The following PTPRZ1 variants were observed in gnomAD, a reference collection of about 807,000 sequenced individuals.
The protein encoded by PTPRZ1 is receptor-type tyrosine-protein phosphatase zeta.
PTPRZ1 carries 82 observed loss-of-function variants against 214.1 expected under a neutral mutation model. The observed-to-expected ratio is 0.38, with a 90% CI of 0.32 to 0.46. The LOEUF is 0.46. Ranked by LOEUF, PTPRZ1 falls within the 20% of genes least tolerant of loss-of-function variation. The pLI is 1.00. For missense variants in PTPRZ1, 2,603 were observed against 2,748.7 expected, an observed-to-expected ratio of 0.95 and a Z score of 1.19; for synonymous variants, 945 against 987.9, an observed-to-expected ratio of 0.96 and a Z score of 0.81.
chr7:121,973,561 G>A (rs1196477), intron 4 of PTPRZ1, among the ~76,000 whole-genome samples: 73,663 of 151,804 alleles, frequency 0.49, 18,278 homozygotes, highest in African/African-American at 0.57. Context: ...TTTTTCTTCC[G>A]TGAAATTGAC....
chr7:121,978,781 CT>C (rs1797517430), intron 6 of PTPRZ1, among the ~76,000 whole-genome samples: 1 of 152,166 alleles, frequency 6.6e-6, no homozygotes, highest in Non-Finnish European at 1.5e-5. Flanking sequence ...CATCTGGATA[CT>C]TAGTATTTCA....
At chr7:121,885,357 G>A (rs1387421205) in intron 1 of PTPRZ1, among the ~76,000 whole-genome samples, 2 of 152,102 alleles carry the variant, frequency 1.3e-5, no homozygotes, top group Admixed American at 1.3e-4. Context: ...ATGATTTTTG[G>A]CCACTCTGGA....
At chr7:121,972,498 T>C in intron 3 of PTPRZ1, 43 bp from the exon 4 acceptor site, 1 of 1,505,556 alleles carries the variant, frequency 6.6e-7, no homozygotes, top group Non-Finnish European at 8.9e-7. Flanking sequence ...ATTTAAAATT[T>C]TGATTTTCAG....
intron 2 of PTPRZ1, among the ~76,000 whole-genome samples, chr7:121,959,165 T>A (rs1796801547): frequency 6.6e-6 from 1 of 152,158 alleles, no homozygotes; most frequent in Non-Finnish European, 1.5e-5. Flanking sequence ...CTAAAAGGAA[T>A]TTGTGCTAGA....
chr7:121,974,206 A>AT (rs1402442889), intron 4 of PTPRZ1, among the ~76,000 whole-genome samples: 1 of 152,102 alleles, frequency 6.6e-6, no homozygotes, highest in African/African-American at 2.4e-5. Context: ...TATACTATGG[A>AT]TTTTTTCTTT....
At chr7:121,911,856 A>G (rs555750962) in intron 1 of PTPRZ1, among the ~76,000 whole-genome samples, 85 of 152,166 alleles carry the variant, frequency 5.6e-4, no homozygotes, top group African/African-American at 1.9e-3. Context: ...TCAATAAGCT[A>G]TTCAATATTA....
intron 1 of PTPRZ1, among the ~76,000 whole-genome samples, chr7:121,920,099 T>A (rs188126939): frequency 1.3e-5 from 2 of 152,314 alleles, no homozygotes; most frequent in Admixed American, 1.3e-4. Context: ...TTTATGAACT[T>A]GCTTGGTGTT....
chr7:122,054,457 G>A (rs1792288139), intron 26 of PTPRZ1, among the ~76,000 whole-genome samples: 1 of 152,008 alleles, frequency 6.6e-6, no homozygotes, highest in South Asian at 2.1e-4. Flanking sequence ...CCTAGTATAG[G>A]AAGGACTTTT....
chr7:121,950,903 A>G (rs1796525382), intron 2 of PTPRZ1, among the ~76,000 whole-genome samples: 1 of 152,240 alleles, frequency 6.6e-6, no homozygotes. Flanking sequence ...AACAGAACGT[A>G]TTTGTGGCCA....
intron 4 of PTPRZ1, among the ~76,000 whole-genome samples, chr7:121,973,406 A>G (rs745899375): frequency 6.6e-6 from 1 of 152,124 alleles, no homozygotes; most frequent in Non-Finnish European, 1.5e-5. Flanking sequence ...TATTTTTGCA[A>G]TTTTTTAATA....
At chr7:121,920,266 G>A (rs1373659096) in intron 1 of PTPRZ1, among the ~76,000 whole-genome samples, 2 of 152,038 alleles carry the variant, frequency 1.3e-5, no homozygotes, top group Non-Finnish European at 2.9e-5. Flanking sequence ...AAGTACGTGG[G>A]CATAAGATTT....
chr7:122,052,106 C>T (rs1056648095), intron 25 of PTPRZ1, among the ~76,000 whole-genome samples, 167 bp downstream of exon 25: 1 of 152,120 alleles, frequency 6.6e-6, no homozygotes, highest in African/African-American at 2.4e-5. Context: ...GTAATAATGG[C>T]ATGCTTTTAT....
At chr7:121,930,294 A>G (rs1422443909) in intron 2 of PTPRZ1, among the ~76,000 whole-genome samples, 1 of 152,182 alleles carries the variant, frequency 6.6e-6, no homozygotes, top group Non-Finnish European at 1.5e-5. Flanking sequence ...ACTACTTTTG[A>G]TATTTTAAAT....
intron 2 of PTPRZ1, among the ~76,000 whole-genome samples, chr7:121,951,852 C>T (rs1278709042): frequency 6.6e-6 from 1 of 152,200 alleles, no homozygotes; most frequent in African/African-American, 2.4e-5. Flanking sequence ...AAAAGAGAAA[C>T]TACTTAAATA....
intron 3 of PTPRZ1, among the ~76,000 whole-genome samples, chr7:121,970,679 T>C (rs1490271337): frequency 6.6e-6 from 1 of 152,224 alleles, no homozygotes; most frequent in East Asian, 1.9e-4. Context: ...TTTGTTTAAG[T>C]TCTTTCTAGA....
At chr7:122,028,725 A>T in intron 14 of PTPRZ1, 82 bp downstream of exon 14, 9 of 1,084,476 alleles carry the variant, frequency 8.3e-6, no homozygotes, top group Non-Finnish European at 1.3e-5. Context: ...TTTTATCGGG[A>T]CACTATGCAA....
intron 23 of PTPRZ1, 74 bp from the exon 24 acceptor site, chr7:122,051,353 GT>G (rs1792176950): frequency 5.3e-6 from 5 of 940,626 alleles, no homozygotes; most frequent in Non-Finnish European, 8.5e-6. Context: ...GTGTGTGTCT[GT>G]ATGTATGTGT....
intron 2 of PTPRZ1, among the ~76,000 whole-genome samples, chr7:121,947,492 A>G (rs965948570): frequency 6.6e-6 from 1 of 152,216 alleles, no homozygotes; most frequent in Non-Finnish European, 1.5e-5. Context: ...AGATTATACT[A>G]GTTTCAACTA....
rs1795674638 is a variant in PTPRZ1, at chr7:121,923,859, TGTA to T, written c.59-4296_59-4294del. ...AAATATATGTATTTTTATATATGCT[TGTA>T]TACATACCTGTTTGCATATTTGTAA... On this transcript the variant is annotated intron_variant, in intron 1 of 29. Coordinates refer to ENST00000393386, the MANE Select transcript of PTPRZ1 (RefSeq NM_002851.3). Among the ~76,000 whole-genome samples the T allele has an allele frequency of 2.6e-5, 4 of 152,146 alleles. No homozygotes were observed. The East Asian group carries it at 7.7e-4, about 29-fold the overall frequency.
Sources: allele counts gnomAD v4.1 joint callset (sites outside exome capture counted in the v4.1 genomes callset), GRCh38; gene constraint gnomAD v4.1.1; transcripts MANE v1.5; gene names NCBI Gene and HGNC (gene_info 2026-07-23, HGNC 2026-07-21).